TRHDE: variants seen among roughly 807,000 people sequenced by gnomAD.
TRHDE encodes thyrotropin-releasing hormone-degrading ectoenzyme.
In TRHDE, 72 loss-of-function variants were observed where a neutral mutation model predicts 125.7. That is an observed-to-expected ratio of 0.57 (90% CI 0.47 to 0.70). The LOEUF is 0.70. Ranked by LOEUF, TRHDE falls within the 30% of genes least tolerant of loss-of-function variation. TRHDE has a pLI of 0.00. For synonymous variants in TRHDE, 509 were observed against 509.1 expected (o/e 1.00, Z 0.00); for missense variants, 1,110 against 1,327.1 (o/e 0.84, Z 2.54).
At chr12:72,252,787 AT>A (rs1878714782) in intron 2 of TRHDE, among the ~76,000 whole-genome samples, 1 of 152,046 alleles carries the variant, frequency 6.6e-6, no homozygotes, top group Non-Finnish European at 1.5e-5. Flanking sequence ...CTCTCTGTTT[AT>A]TTGTCATCAC....
chr12:72,260,472 C>T (rs1395464892), intron 2 of TRHDE, among the ~76,000 whole-genome samples: 1 of 152,088 alleles, frequency 6.6e-6, no homozygotes, highest in Non-Finnish European at 1.5e-5. Context: ...AATAGAGTGG[C>T]TCACTGGGAG....
At chr12:72,395,671 A>G (rs1276771574) in intron 3 of TRHDE, among the ~76,000 whole-genome samples, 1 of 152,096 alleles carries the variant, frequency 6.6e-6, no homozygotes, top group Non-Finnish European at 1.5e-5. Context: ...CTCTCACCTG[A>G]AAACATCTAC....
intron 3 of TRHDE, among the ~76,000 whole-genome samples, chr12:72,410,521 C>T (rs1001418227): frequency 6.6e-6 from 1 of 151,870 alleles, no homozygotes; most frequent in Non-Finnish European, 1.5e-5. Context: ...TATAAAAATA[C>T]ACTGCAAAGT....
At chr12:72,191,659 G>A (rs371391602) in intron 2 of TRHDE, among the ~76,000 whole-genome samples, 26 of 152,106 alleles carry the variant, frequency 1.7e-4, no homozygotes, top group African/African-American at 2.9e-4. Flanking sequence ...TTTTATTGTC[G>A]TTGTAATACT....
intron 2 of TRHDE, among the ~76,000 whole-genome samples, chr12:72,197,346 A>G (rs1877465601): frequency 6.6e-6 from 1 of 152,130 alleles, no homozygotes; most frequent in African/African-American, 2.4e-5. Context: ...CCACATTGCC[A>G]TCCACATACA....
intron 2 of TRHDE, among the ~76,000 whole-genome samples, chr12:72,111,378 A>G (rs1425841394): frequency 6.6e-6 from 1 of 152,282 alleles, no homozygotes; most frequent in East Asian, 1.9e-4. Flanking sequence ...ATACTATTTA[A>G]CAAGCAAACA....
chr12:72,662,497 T>C (rs2136117969), intron 18 of TRHDE, among the ~76,000 whole-genome samples: 1 of 152,288 alleles, frequency 6.6e-6, no homozygotes, highest in African/African-American at 2.4e-5. Context: ...TCATTAATCA[T>C]ACAATTTTTA....
At chr12:72,363,419 A>G (rs1871204643) in intron 2 of TRHDE, among the ~76,000 whole-genome samples, 1 of 151,914 alleles carries the variant, frequency 6.6e-6, no homozygotes, top group African/African-American at 2.4e-5. Context: ...AAGCTTATCC[A>G]CCATGATCAA....
chr12:72,101,411 C>G (rs1160239955), intron 1 of TRHDE, among the ~76,000 whole-genome samples: 1 of 152,128 alleles, frequency 6.6e-6, no homozygotes, highest in Non-Finnish European at 1.5e-5. Context: ...TCAAGGATGG[C>G]TGATGTACAA....
chr12:72,425,567 T>C (rs1481705948), intron 3 of TRHDE, among the ~76,000 whole-genome samples: 1 of 152,108 alleles, frequency 6.6e-6, no homozygotes, highest in African/African-American at 2.4e-5. Flanking sequence ...GATGGAATGC[T>C]CTTGAAATAA....
chr12:72,573,581 T>A (rs1870846562), intron 10 of TRHDE, among the ~76,000 whole-genome samples: 1 of 151,970 alleles, frequency 6.6e-6, no homozygotes, highest in Non-Finnish European at 1.5e-5. Flanking sequence ...CCAAAGAGAA[T>A]CAATAGCATA....
chr12:72,400,196 A>C (rs1592418042), intron 3 of TRHDE, among the ~76,000 whole-genome samples: 2 of 152,236 alleles, frequency 1.3e-5, no homozygotes, highest in African/African-American at 4.8e-5. Context: ...TATTAGTAAA[A>C]TGAATTTTTA....
At chr12:72,338,549 C>T (rs1056352948) in intron 2 of TRHDE, among the ~76,000 whole-genome samples, 1 of 152,128 alleles carries the variant, frequency 6.6e-6, no homozygotes, top group Non-Finnish European at 1.5e-5. Flanking sequence ...TATCTGACAT[C>T]CACTCATTAT....
intron 2 of TRHDE, among the ~76,000 whole-genome samples, chr12:72,261,593 T>G (rs1259129402): frequency 6.6e-6 from 1 of 152,196 alleles, no homozygotes; most frequent in African/African-American, 2.4e-5. Flanking sequence ...TAGTAAGCTC[T>G]CTTTTATAGC....
At chr12:72,147,608 TAAA>T (rs1302714372) in intron 2 of TRHDE, 2 of 152,182 alleles carry the variant, frequency 1.3e-5, no homozygotes, top group Non-Finnish European at 2.9e-5. Context: ...TATATTACTC[TAAA>T]ACCTCAGTCT....
At chr12:72,604,754 C>A (rs1872361008) in intron 12 of TRHDE, among the ~76,000 whole-genome samples, 1 of 151,992 alleles carries the variant, frequency 6.6e-6, no homozygotes, top group African/African-American at 2.4e-5. Flanking sequence ...GATGCTTCAA[C>A]TTTAGAAAAT....
At chr12:72,253,087 A>G (rs1437130456) in intron 2 of TRHDE, among the ~76,000 whole-genome samples, 1 of 152,074 alleles carries the variant, frequency 6.6e-6, no homozygotes, top group Non-Finnish European at 1.5e-5. Flanking sequence ...AACTTTGATG[A>G]TGAAAAATTG....
chr12:72,281,326 G>T (rs960065484), intron 1 of TRHDE, among the ~76,000 whole-genome samples: 1 of 152,132 alleles, frequency 6.6e-6, no homozygotes, highest in Non-Finnish European at 1.5e-5. Context: ...TTGCCTTAAA[G>T]AATTTAGTCA....
intron 1 of TRHDE, among the ~76,000 whole-genome samples, chr12:72,098,034 A>T (rs1566212785): frequency 6.6e-6 from 1 of 151,968 alleles, no homozygotes; most frequent in Non-Finnish European, 1.5e-5. Flanking sequence ...ACAATACTTT[A>T]TATTTTATTT....
Sources: allele counts gnomAD v4.1 joint callset (sites outside exome capture counted in the v4.1 genomes callset), GRCh38; gene constraint gnomAD v4.1.1; transcripts MANE v1.5; gene names NCBI Gene and HGNC (gene_info 2026-07-23, HGNC 2026-07-21).